The following LEKR1 variants were observed in gnomAD, a reference collection of about 807,000 sequenced individuals.
LEKR1 encodes protein LEKR1.
Under a neutral mutation model 72.4 loss-of-function variants are expected in LEKR1, and 59 were observed. The ratio of observed to expected loss-of-function variants is 0.82; its 90% confidence interval spans 0.66 to 1.01. The LOEUF (loss-of-function observed/expected upper bound fraction) is 1.01, where lower values mean the gene tolerates loss of function less well. Ranked by LOEUF, LEKR1 falls within the 50% of genes least tolerant of loss-of-function variation. The pLI, the probability that LEKR1 is intolerant of heterozygous loss-of-function variation, is 0.00. For missense variants in LEKR1, 728 were observed against 759.2 expected (o/e 0.96, Z 0.48); for synonymous variants, 257 against 263.2 (o/e 0.98, Z 0.23).
Position 156,942,579 on chromosome 3 carries a change from T to C in LEKR1, c.610T>C (p.Cys204Arg), listed in dbSNP as rs1193954386. 1.6e-6 allele frequency: 2 copies of C among 1,266,290 alleles called. No homozygotes were observed. Among genetic ancestry groups the C allele is most frequent in the Non-Finnish European group, 2.1e-6 (2 of 973,546 alleles). 78.4% of individuals were successfully genotyped at this position (1,266,290 alleles called of 1,614,324 possible). Residue 204 changes from cysteine (C) to arginine (R), a missense_variant, in exon 6 of 13, where the codon TGC becomes CGC. Transcript: ENST00000356539. ...GACAGTATCCCAGAGAAATAAAGTA[T>C]GCCTTGAAAAGGAAATGAAAAATCT... ...SLTVSQRNKVCLEKEMKNLKL... is the reference protein window; with the variant it reads ...SLTVSQRNKVRLEKEMKNLKL...
intron 10 of LEKR1, among the ~76,000 whole-genome samples, chr3:157,021,463 G>GTT (rs1733832369): frequency 6.6e-6 from 1 of 152,084 alleles, no homozygotes. Flanking sequence ...TGTATAAGGT[G>GTT]TAAGGAAGGG....
intron 6 of LEKR1, among the ~76,000 whole-genome samples, chr3:156,964,871 C>T (rs977155550): frequency 1.3e-5 from 2 of 152,122 alleles, no homozygotes; most frequent in African/African-American, 4.8e-5. Context: ...CTAAACTTCT[C>T]TTTTATTTAT....
chr3:156,857,121 C>G (rs1170926107), intron 3 of LEKR1, among the ~76,000 whole-genome samples: 1 of 152,170 alleles, frequency 6.6e-6, no homozygotes, highest in East Asian at 1.9e-4. Flanking sequence ...TATTTAAAAT[C>G]AGATGACTAT....
At chr3:157,026,234 C>G (rs1281668523) in intron 11 of LEKR1, among the ~76,000 whole-genome samples, 1 of 152,034 alleles carries the variant, frequency 6.6e-6, no homozygotes, top group Non-Finnish European at 1.5e-5. Flanking sequence ...CACCGAGTCT[C>G]CCCCTTTCTT....
intron 2 of LEKR1, among the ~76,000 whole-genome samples, chr3:156,830,151 A>G (rs558617418): frequency 2.6e-5 from 4 of 152,252 alleles, no homozygotes; most frequent in African/African-American, 4.8e-5. Context: ...TACTATACAA[A>G]TGTAATAATT....
At chr3:156,992,150 C>T (rs1446603882) in intron 7 of LEKR1, among the ~76,000 whole-genome samples, 2 of 152,248 alleles carry the variant, frequency 1.3e-5, no homozygotes, top group Non-Finnish European at 2.9e-5. Flanking sequence ...CTCGCCTCTT[C>T]AGCATCCTTT....
chr3:156,967,536 T>C lies in LEKR1; in HGVS notation c.746-11658T>C, dbSNP rs531941942. 5.3e-5 allele frequency among the ~76,000 whole-genome samples: 8 copies of C among 152,026 alleles called. No individual in the cohort carries two copies. The East Asian group carries it at 1.2e-3, about 22-fold the overall frequency. ...AAGAAAGGGTATCAGTGATGGAAGA[T>C]CAAATGAATGAAATGAAGCAAGAAG... On this transcript the variant is annotated intron_variant, in intron 6 of 12. Coordinates refer to ENST00000356539, the MANE Select transcript of LEKR1 (RefSeq NM_001004316.3).
rs143213269 is a variant in LEKR1 at position 156,852,945 on chromosome 3, G to C, written c.226G>C (p.Glu76Gln). 9 of 1,535,850 alleles carry C rather than the reference G, an allele frequency of 5.9e-6. No homozygotes were observed. In the East Asian group the frequency reaches 2.2e-4, roughly 38 times the overall value. Residue 76 changes from glutamate (E) to glutamine (Q), a missense_variant, in exon 3 of 13, where the codon GAA becomes CAA. Physicochemically the swap from Glu to Gln is conservative, Grantham distance 29. Coordinates refer to ENST00000356539, the MANE Select transcript of LEKR1 (RefSeq NM_001004316.3). ...GCTGCATTCTCTTAGCCAAGAACTT[G>C]AACAGTACAAAATTGACAACAAATC... is the stretch of plus-strand genomic sequence containing the variant. The part of the protein sequence containing the change: ...EKLHSLSQEL[E>Q]QYKIDNKSKT...
intron 4 of LEKR1, among the ~76,000 whole-genome samples, chr3:156,924,071 GC>G (rs1471908918): frequency 4.6e-5 from 7 of 152,074 alleles, no homozygotes; most frequent in Non-Finnish European, 1.0e-4. Context: ...TTCCAAAGGG[GC>G]TGCACATTTT....
intron 6 of LEKR1, among the ~76,000 whole-genome samples, chr3:156,946,084 T>A: frequency 6.6e-6 from 1 of 151,536 alleles, no homozygotes; most frequent in Non-Finnish European, 1.5e-5. Context: ...ATCTATGAAC[T>A]TGGAATATCT....
intron 3 of LEKR1, among the ~76,000 whole-genome samples, chr3:156,875,418 G>A (rs551397863): frequency 3.2e-4 from 49 of 152,242 alleles, no homozygotes; most frequent in Non-Finnish European, 5.3e-4. Context: ...GCAGATTCTG[G>A]ATATTAGTCC....
chr3:156,978,756 T>C (rs1576936810), intron 6 of LEKR1, among the ~76,000 whole-genome samples: 1 of 152,268 alleles, frequency 6.6e-6, no homozygotes, highest in East Asian at 1.9e-4. Context: ...GCCTGGAACA[T>C]GATTTGTCTG....
chr3:157,005,081 T>C (rs1732314616), intron 9 of LEKR1, among the ~76,000 whole-genome samples: 1 of 152,022 alleles, frequency 6.6e-6, no homozygotes, highest in African/African-American at 2.4e-5. Flanking sequence ...AAATTACTAA[T>C]ATCAGAAATA....
intron 6 of LEKR1, among the ~76,000 whole-genome samples, chr3:156,948,602 C>T (rs1403381030): frequency 6.6e-6 from 1 of 151,458 alleles, no homozygotes; most frequent in Non-Finnish European, 1.5e-5. Flanking sequence ...CATGTCTTTG[C>T]TATTGTGAAT....
chr3:156,839,138 C>G (rs1048978224), intron 2 of LEKR1, among the ~76,000 whole-genome samples: 2 of 152,186 alleles, frequency 1.3e-5, no homozygotes, highest in Non-Finnish European at 2.9e-5. Flanking sequence ...GGTTTATGAT[C>G]AGGACTGCCC....
At chr3:156,974,250 A>G (rs1412158563) in intron 6 of LEKR1, among the ~76,000 whole-genome samples, 3 of 152,182 alleles carry the variant, frequency 2.0e-5, no homozygotes, top group African/African-American at 7.2e-5. Context: ...AAAACATAAT[A>G]TTGACTAAAA....
intron 2 of LEKR1, among the ~76,000 whole-genome samples, chr3:156,848,778 A>G (rs1257358812): frequency 2.0e-5 from 3 of 152,210 alleles, no homozygotes; most frequent in Non-Finnish European, 4.4e-5. Context: ...ATGACTTATA[A>G]GGATCAACTT....
intron 3 of LEKR1, among the ~76,000 whole-genome samples, chr3:156,869,960 G>T (rs1022625506): frequency 1.3e-5 from 2 of 151,980 alleles, no homozygotes; most frequent in Admixed American, 6.6e-5. Context: ...ATTGAAGAGG[G>T]TGTCCTTTTC....
intron 2 of LEKR1, among the ~76,000 whole-genome samples, chr3:156,849,310 A>G (rs1715037433): frequency 6.6e-6 from 1 of 152,200 alleles, no homozygotes; most frequent in African/African-American, 2.4e-5. Context: ...AAGAATCAAT[A>G]TCATGAAAAT....
Sources: allele counts gnomAD v4.1 joint callset (sites outside exome capture counted in the v4.1 genomes callset), GRCh38; gene constraint gnomAD v4.1.1; transcripts MANE v1.5; gene names NCBI Gene and HGNC (gene_info 2026-07-23, HGNC 2026-07-21).